CFAP65: variants seen among roughly 807,000 people sequenced by gnomAD.
CFAP65 encodes cilia- and flagella-associated protein 65.
A neutral mutation model predicts 208.0 loss-of-function variants in CFAP65; 155 were observed. That is an observed-to-expected ratio of 0.75 (90% CI 0.65 to 0.85). The LOEUF is 0.85. Among genes scored for constraint, CFAP65 ranks in the 40% least tolerant of loss-of-function variants. CFAP65 has a pLI of 0.00. For synonymous variants in CFAP65, 970 were observed against 986.3 expected, an observed-to-expected ratio of 0.98 and a Z score of 0.31; for missense variants, 2,294 against 2,451.3, an observed-to-expected ratio of 0.94 and a Z score of 1.36.
chr2:219,028,106 G>A (rs1574622717), intron 12 of CFAP65, 95 bp downstream of exon 12: 17 of 1,555,336 alleles, frequency 1.1e-5, no homozygotes, highest in Non-Finnish European at 1.5e-5. Flanking sequence ...TACACCAGTC[G>A]CCCTGACTAC....
chr2:219,027,635 A>G lies in CFAP65; in HGVS notation c.2211+15T>C, dbSNP rs545137992. On this transcript the variant is annotated intron_variant, in intron 13 of 34. Transcript: ENST00000341552. ...CAGAGACCCCGCATTCCTCCCTCTC[A>G]TTGCGTGCACACACCTTATAGATGG... The G allele has an allele frequency of 1.9e-6, 3 of 1,613,540 alleles. No individual in the cohort carries two copies. The highest frequency in any genetic ancestry group is 1.7e-6 in the Non-Finnish European group (2 of 1,179,962).
intron 10 of CFAP65, 106 bp downstream of exon 10, chr2:219,029,880 G>T: frequency 1.6e-6 from 2 of 1,219,698 alleles, no homozygotes; most frequent in Admixed American, 2.3e-5. Context: ...AGACACCCAG[G>T]CTGAGGCAAG....
chr2:219,024,336 G>A, intron 14 of CFAP65, 76 bp from the exon 15 acceptor site: 5 of 1,520,766 alleles, frequency 3.3e-6, no homozygotes, highest in Non-Finnish European at 3.5e-6. Context: ...GCCCTATGGG[G>A]GCTTGGGAGG....
chr2:219,004,410 G>A lies in CFAP65; in HGVS notation c.5097C>T (p.Ser1699=), dbSNP rs749213358. Residue 1699 remains serine, a synonymous_variant, in exon 33 of 35, where the codon AGC becomes AGT. Coordinates refer to ENST00000341552, the MANE Select transcript of CFAP65 (RefSeq NM_194302.4). The surrounding 1 kb of genome is among the most constrained non-coding windows in gnomAD (Gnocchi z 4.7). The part of the protein sequence containing the change: ...DKNFHEAVDQ[S]LVEQVPYFRQ... ...GGAAGTACGGCACCTGCTCCACCAG[G>A]CTTTGGTCCACAGCCTCATGGAAGT... 1 of 1,613,790 alleles carries A rather than the reference G, an allele frequency of 6.2e-7. No homozygotes were observed. Among genetic ancestry groups the A allele is most frequent in the African/African-American group, 1.3e-5 (1 of 75,050 alleles).
At chr2:219,040,427 T>A in intron 2 of CFAP65, 92 bp downstream of exon 2, 1 of 771,626 alleles carries the variant, frequency 1.3e-6, no homozygotes. Context: ...GAGGGGACTA[T>A]CTAGATTCAG....
Position 219,004,368 on chromosome 2 carries a change from C to T in CFAP65, c.5139G>A (p.Glu1713=). 1 of 1,614,110 alleles carries T rather than the reference C, an allele frequency of 6.2e-7. No individual in the cohort carries two copies. The highest frequency in any genetic ancestry group is 1.1e-5 in the South Asian group (1 of 91,080). The part of the protein sequence containing the change: ...QVPYFRQFWN[E]QSTKFMDQKN... ...TCTGGTCCATGAACTTAGTTGACTGCTCATTCCAGAATTGGCGGAAGTACG... is the reference window on the plus strand; with the variant it reads ...TCTGGTCCATGAACTTAGTTGACTGTTCATTCCAGAATTGGCGGAAGTACG... The change falls in exon 33 of 35, where the codon GAG becomes GAA. Residue 1713 remains glutamate, a synonymous_variant. Transcript: ENST00000341552. This position sits in a 1 kb window ranked among gnomAD's most constrained non-coding sequence, Gnocchi z 4.7.
intron 14 of CFAP65, 43 bp downstream of exon 14, chr2:219,025,979 G>A: frequency 6.2e-7 from 1 of 1,605,208 alleles, no homozygotes; most frequent in Non-Finnish European, 8.5e-7. Context: ...CAGAAGCTAG[G>A]GCTCCCCTGT....
chr2:219,015,751 T>G (rs1946836229), intron 21 of CFAP65: 1 of 152,230 alleles, frequency 6.6e-6, no homozygotes, highest in Non-Finnish European at 1.5e-5. Context: ...TATCACCACT[T>G]TCTTTGTAGT....
At chr2:219,025,716 C>A (rs1203444995) in intron 14 of CFAP65, among the ~76,000 whole-genome samples, 4 of 152,192 alleles carry the variant, frequency 2.6e-5, no homozygotes, top group African/African-American at 9.7e-5. Flanking sequence ...AAACAGGACA[C>A]AAACAAATGC....
rs1223676594 is a variant in CFAP65, at chr2:219,032,693, G to A, written c.543-121C>T. 2.3e-5 allele frequency: 18 copies of A among 786,856 alleles called. No homozygotes were observed. Among genetic ancestry groups the A allele is most frequent in the South Asian group, 5.4e-5 (3 of 55,942 alleles). The allele number at this position is 786,856 out of a possible 1,614,324, so 48.7% of individuals were successfully genotyped here. On this transcript the variant is annotated intron_variant, in intron 5 of 34. Coordinates refer to ENST00000341552, the MANE Select transcript of CFAP65 (RefSeq NM_194302.4). The surrounding 1 kb of genome is among the most constrained non-coding windows in gnomAD (Gnocchi z 5.5). ...GAGTCCCTGGGACCACAGAGAAAGC[G>A]ATCAGGAGATGAGCACGTGGAGATG...
At position 219,040,555 on chromosome 2, in the gene CFAP65, G is replaced by C; in HGVS notation, c.-39C>G. The stretch of plus-strand genomic sequence containing the variant: ...AACTGGACGTTCAGATGAAATCAAA[G>C]AAATGTAAGCTGAGGAGACACAGAG... On this transcript the variant is annotated 5_prime_UTR_variant, in exon 2 of 35. Coordinates refer to ENST00000341552, the MANE Select transcript of CFAP65 (RefSeq NM_194302.4). 6.4e-7 allele frequency: 1 copy of C among 1,550,592 alleles called. No individual in the cohort carries two copies. Among genetic ancestry groups the C allele is most frequent in the Non-Finnish European group, 8.7e-7 (1 of 1,145,958 alleles).
At position 219,028,288 on chromosome 2, in the gene CFAP65, C is replaced by T. The variant is rs1371849625; in HGVS notation, c.1764G>A (p.Thr588=). 1.9e-5 allele frequency: 31 copies of T among 1,613,986 alleles called. No homozygotes were observed. The highest frequency in any genetic ancestry group is 2.5e-5 in the Non-Finnish European group (29 of 1,180,010). Reference sequence around the variant, plus strand: ...CATCCAGGATGTCAGGGGGGTAGAGCGTCAGGCCCCGGGCCAGGTGTGTGC... The same window carrying T: ...CATCCAGGATGTCAGGGGGGTAGAGTGTCAGGCCCCGGGCCAGGTGTGTGC... The part of the protein sequence containing the change: ...WYRTHLARGL[T]LYPPDILDAM... The change falls in exon 12 of 35, where the codon ACG becomes ACA. Residue 588 remains threonine (T), a synonymous_variant. Coordinates refer to ENST00000341552, the MANE Select transcript of CFAP65 (RefSeq NM_194302.4).
chr2:219,029,810 G>A, intron 10 of CFAP65, 142 bp from the exon 11 acceptor site: 2 of 1,184,056 alleles, frequency 1.7e-6, no homozygotes, highest in East Asian at 2.5e-5. Context: ...CTGGATGCCA[G>A]TGGGACTGGG....
chr2:219,041,534 C>T (rs1042036977), upstream of CFAP65: 21 of 1,550,400 alleles, frequency 1.4e-5, no homozygotes, highest in African/African-American at 2.7e-5. Context: ...GCGCAGGAAA[C>T]GGCGTCTTCA....
chr2:219,009,303 G>C, intron 28 of CFAP65, 44 bp downstream of exon 28: 1 of 1,513,986 alleles, frequency 6.6e-7, no homozygotes, highest in Non-Finnish European at 9.2e-7. Context: ...CCAGCATTGG[G>C]AGCCATGCCT....
intron 19 of CFAP65, among the ~76,000 whole-genome samples, chr2:219,020,738 A>C (rs1446003676): frequency 6.6e-6 from 1 of 152,228 alleles, no homozygotes; most frequent in Admixed American, 6.5e-5. Context: ...CAACTCGTTA[A>C]GGTTACAAGT....
intron 14 of CFAP65, 41 bp from the exon 15 acceptor site, chr2:219,024,301 C>G (rs1250246036): frequency 2.5e-6 from 4 of 1,579,288 alleles, no homozygotes. Context: ...CCGCTCAGAC[C>G]TCCACCCTGG....
chr2:219,027,312 A>C, intron 13 of CFAP65: 3 of 1,433,790 alleles, frequency 2.1e-6, no homozygotes, highest in Non-Finnish European at 2.7e-6. Flanking sequence ...ACCACTTCTT[A>C]ATTCAAGGAC....
At position 219,005,897 on chromosome 2, in the gene CFAP65, AG is replaced by A. The variant is rs1303172175; in HGVS notation, c.4922+123del. On this transcript the variant is annotated intron_variant, in intron 31 of 34. Transcript: ENST00000341552. ...ATCCTGGGCCCAGAGGCGCTCAATG[AG>A]CCCCACTGCTGCTGCCCATGCTCCA... is the stretch of plus-strand genomic sequence containing the variant. 4 of 993,832 alleles carry A rather than the reference AG, an allele frequency of 4.0e-6. No homozygotes were observed. The Admixed American group carries it at 7.0e-5, about 17-fold the overall frequency. 61.6% of individuals were successfully genotyped at this position (993,832 alleles called of 1,614,324 possible).
Sources: gnomAD v4.1 joint callset for allele counts (sites outside exome capture counted in the v4.1 genomes callset) on GRCh38, gnomAD v4.1.1 for gene constraint, Gnocchi (gnomAD v3.1) non-coding constraint, MANE v1.5 for transcripts, NCBI Gene and HGNC (gene_info 2026-07-23, HGNC 2026-07-21) for gene names.